Variants in TTC34 observed in about 807,000 individuals in gnomAD.
TTC34 encodes tetratricopeptide repeat protein 34.
A neutral mutation model predicts 40.7 loss-of-function variants in TTC34; 44 were observed. The observed-to-expected ratio is 1.08, with a 90% CI of 0.85 to 1.39. The LOEUF (loss-of-function observed/expected upper bound fraction) is 1.39. Ranked by LOEUF, TTC34 falls within the 40% of genes most tolerant of loss-of-function variation. TTC34 has a pLI of 0.00. For synonymous variants in TTC34, 422 were observed against 398.6 expected, an observed-to-expected ratio of 1.06 and a Z score of -0.70; for missense variants, 884 against 838.0, an observed-to-expected ratio of 1.05 and a Z score of -0.68.
At chr1:2,767,902 C>G (rs1569742193) in intron 6 of TTC34, among the ~76,000 whole-genome samples, 1 of 145,074 alleles carries the variant, frequency 6.9e-6, no homozygotes, top group African/African-American at 2.5e-5. Flanking sequence ...AGATGAGCAT[C>G]TGACAACCAG....
At chr1:2,756,441 CTGA>C (rs2100447531) in intron 6 of TTC34, among the ~76,000 whole-genome samples, 3 of 117,234 alleles carry the variant, frequency 2.6e-5, no homozygotes, top group Admixed American at 8.2e-5. Flanking sequence ...AGGTGAGCAT[CTGA>C]CAGCCTGGAA....
rs1285752377 is a variant in TTC34 at position 2,696,766 on chromosome 1, G to A, written c.2227-51203C>T. On this transcript the variant is annotated intron_variant, in intron 6 of 8. Transcript: ENST00000401095. The stretch of plus-strand genomic sequence containing the variant: ...CGTGGAGCAGCACCCCACACCCATA[G>A]GTGAGCATCTGACAGCCTGTAACAG... 2.9e-5 allele frequency among the ~76,000 whole-genome samples: 3 copies of A among 103,358 alleles called. 1 individual carries two copies. The highest frequency in any genetic ancestry group is 9.6e-5 in the African/African-American group (3 of 31,170). The allele number at this position is 103,358 out of a possible 152,430, so 67.8% of individuals were successfully genotyped here.
At chr1:2,778,122 G>A (rs528987734) in intron 6 of TTC34, among the ~76,000 whole-genome samples, 1 of 152,332 alleles carries the variant, frequency 6.6e-6, no homozygotes, top group East Asian at 1.9e-4. Context: ...TGGTGCCCTG[G>A]TCCAGCAGCC....
At chr1:2,800,806 C>T (rs1003850571) in exon 2 of TTC34, 24 of 398,620 alleles carry the variant, frequency 6.0e-5, no homozygotes, top group Admixed American at 4.4e-4. Flanking sequence ...AGGCAGGCCA[C>T]GAGCTCCTGG....
rs1641244282 is a variant in TTC34, at chr1:2,749,411, T to A, written c.2226+34198A>T. 1.3e-4 allele frequency among the ~76,000 whole-genome samples: 18 copies of A among 136,734 alleles called. 4 individuals carry two copies. The highest frequency in any genetic ancestry group is 1.3e-3 in the Admixed American group (17 of 13,350). 89.7% of individuals were successfully genotyped at this position (136,734 alleles called of 152,430 possible). On this transcript the variant is annotated intron_variant, in intron 6 of 8. Transcript: ENST00000401095. Reference sequence around the variant, plus strand: ...TGGAACAGCACCCTGCACCCCCAGGTGCGCACGTGACAGCCTGGAACAGCA... The same window carrying A: ...TGGAACAGCACCCTGCACCCCCAGGAGCGCACGTGACAGCCTGGAACAGCA...
At chr1:2,748,038 A>G (rs1313064694) in intron 6 of TTC34, among the ~76,000 whole-genome samples, 1 of 58,730 alleles carries the variant, frequency 1.7e-5, no homozygotes, top group Admixed American at 1.6e-4. Context: ...AGCACCCTGC[A>G]CACCCAGGTG....
At chr1:2,778,038 A>G (rs1434520298) in intron 6 of TTC34, among the ~76,000 whole-genome samples, 12 of 152,182 alleles carry the variant, frequency 7.9e-5, no homozygotes, top group African/African-American at 2.4e-4. Context: ...CCCAGCCCCA[A>G]ATGCATGTCT....
chr1:2,764,160 C>T (rs1377998800), intron 6 of TTC34, among the ~76,000 whole-genome samples: 256 of 144,876 alleles, frequency 1.8e-3, no homozygotes, highest in African/African-American at 5.9e-3. Flanking sequence ...GAGAATCTGA[C>T]GCATAAAACA....
rs1641245453 is a variant in TTC34, at chr1:2,749,446, C to A, written c.2226+34163G>T. On this transcript the variant is annotated intron_variant, in intron 6 of 8. Coordinates refer to ENST00000401095, the Ensembl canonical transcript of TTC34. Reference sequence around the variant, plus strand: ...ACAGCCTGGAACAGCACCGACACCCCCAGGTGAGCATCTGACGGCCTGGAA... The same window carrying A: ...ACAGCCTGGAACAGCACCGACACCCACAGGTGAGCATCTGACGGCCTGGAA... Among the ~76,000 whole-genome samples the A allele has an allele frequency of 1.8e-5, 2 of 109,230 alleles. 1 individual carries two copies. The highest frequency in any genetic ancestry group is 6.1e-4 in the South Asian group (2 of 3,276). The allele number at this position is 109,230 out of a possible 152,430, so 71.7% of individuals were successfully genotyped here. A position where few individuals can be genotyped will look rare whatever the true frequency, so the allele number is the denominator to read the frequency against.
rs549066116 is a variant in TTC34 at position 2,694,832 on chromosome 1, C to A, written c.2227-49269G>T. The stretch of plus-strand genomic sequence containing the variant: ...TGACAGCCTGGAACGACACCCACAC[C>A]CCCAGGTGAGCATCTGATGGTCTGG... On this transcript the variant is annotated intron_variant, in intron 6 of 8. Transcript: ENST00000401095. Among the ~76,000 whole-genome samples, 3 of 90,754 alleles carry A rather than the reference C, an allele frequency of 3.3e-5. 1 individual carries two copies. Among genetic ancestry groups the A allele is most frequent in the East Asian group, 5.5e-4 (2 of 3,664 alleles). The allele number at this position is 90,754 out of a possible 152,430, so 59.5% of individuals were successfully genotyped here.
At chr1:2,779,744 G>A (rs563868504) in intron 6 of TTC34, among the ~76,000 whole-genome samples, 112 of 152,270 alleles carry the variant, frequency 7.4e-4, no homozygotes, top group Admixed American at 1.1e-3. Flanking sequence ...ACCAGTGCTT[G>A]TTATTTTCTT....
chr1:2,646,804 T>C lies in TTC34; in HGVS notation c.2227-1241A>G, dbSNP rs139570556. On this transcript the variant is annotated intron_variant, in intron 6 of 8. Transcript: ENST00000401095. The stretch of plus-strand genomic sequence containing the variant: ...GAGAATTTCTATCAGGCATCAGTTC[T>C]CTTCAATTTCACCACCTTCCCTCAG... Among the ~76,000 whole-genome samples, 149 of 152,390 alleles carry C rather than the reference T, an allele frequency of 9.8e-4. 4 individuals are homozygous for C. In the East Asian group the frequency reaches 9.8e-3, roughly 10 times the overall value.
chr1:2,772,979 C>A (rs1642508909), intron 6 of TTC34, among the ~76,000 whole-genome samples: 1 of 150,906 alleles, frequency 6.6e-6, no homozygotes, highest in South Asian at 2.1e-4. Context: ...CATGCACACC[C>A]CCAGGCGAGC....
chr1:2,749,414 G>A (rs1641244362), intron 6 of TTC34, among the ~76,000 whole-genome samples: 9 of 136,766 alleles, frequency 6.6e-5, no homozygotes, highest in African/African-American at 1.2e-4. Flanking sequence ...CCCCAGGTGC[G>A]CACGTGACAG....
chr1:2,647,037 G>T (rs1311605517), intron 6 of TTC34, among the ~76,000 whole-genome samples: 1 of 152,126 alleles, frequency 6.6e-6, no homozygotes, highest in African/African-American at 2.4e-5. Context: ...CATTCGTGTT[G>T]TTGTATGTCA....
intron 6 of TTC34, among the ~76,000 whole-genome samples, chr1:2,686,467 AAC>A (rs1640353490): frequency 7.0e-6 from 1 of 142,886 alleles, no homozygotes. Context: ...GACAGACTGG[AAC>A]AGCACCCACA....
chr1:2,647,824 T>G (rs984624537), intron 6 of TTC34, among the ~76,000 whole-genome samples: 6 of 152,166 alleles, frequency 3.9e-5, no homozygotes, highest in Non-Finnish European at 8.8e-5. Context: ...TTTTGTTTTT[T>G]GTTTTCCCTG....
At chr1:2,748,852 C>G (rs1477192384) in intron 6 of TTC34, among the ~76,000 whole-genome samples, 1 of 122,356 alleles carries the variant, frequency 8.2e-6, no homozygotes, top group Non-Finnish European at 1.7e-5. Flanking sequence ...CCCAGGTGAG[C>G]ATCTGATGCT....
intron 6 of TTC34, among the ~76,000 whole-genome samples, chr1:2,768,934 C>T (rs1332753120): frequency 7.0e-3 from 323 of 46,232 alleles, no homozygotes; most frequent in African/African-American, 0.026. Context: ...TGGAAACCCC[C>T]CCACTGCTTC....
Sources: allele counts gnomAD v4.1 joint callset (sites outside exome capture counted in the v4.1 genomes callset), GRCh38; gene constraint gnomAD v4.1.1; transcripts MANE v1.5; gene names NCBI Gene and HGNC (gene_info 2026-07-23, HGNC 2026-07-21).